PABPC4L: variants seen among roughly 807,000 people sequenced by gnomAD.
PABPC4L encodes the protein polyadenylate-binding protein 4-like.
For missense variants in PABPC4L, 452 were observed against 451.4 expected (o/e 1.00, Z -0.01); for synonymous variants, 169 against 164.1 (o/e 1.03, Z -0.23).
At chr4:133,978,164 T>C in the PABPC4L span, 1 of 152,226 alleles carries the variant, frequency 6.6e-6, no homozygotes, top group African/African-American at 2.4e-5. Context: ...GCAACAAGTA[T>C]GTTACAGGCC....
the PABPC4L span, among the ~76,000 whole-genome samples, chr4:133,966,727 T>C: frequency 5.7e-3 from 872 of 152,236 alleles, 7 homozygotes; most frequent in South Asian, 0.033. Context: ...AAACATCGTA[T>C]GTTCTCACTG....
chr4:134,152,075 T>C, the PABPC4L span, among the ~76,000 whole-genome samples: 1 of 151,990 alleles, frequency 6.6e-6, no homozygotes. Flanking sequence ...TATTGATTTA[T>C]ACAAGTGCCT....
the PABPC4L span, among the ~76,000 whole-genome samples, chr4:134,026,310 G>A: frequency 4.0e-5 from 6 of 151,074 alleles, no homozygotes; most frequent in East Asian, 5.9e-4. Context: ...ATCTCGGCTC[G>A]CTGCAACATC....
At chr4:133,962,629 A>C in the PABPC4L span, among the ~76,000 whole-genome samples, 4 of 152,204 alleles carry the variant, frequency 2.6e-5, no homozygotes, top group African/African-American at 9.6e-5. Context: ...TAGATTTCTC[A>C]GTAGAAATTC....
the PABPC4L span, among the ~76,000 whole-genome samples, chr4:134,044,450 G>C: frequency 6.6e-6 from 1 of 151,852 alleles, no homozygotes; most frequent in African/African-American, 2.4e-5. Flanking sequence ...TTTTTTAATA[G>C]AGACGGTGTT....
the PABPC4L span, among the ~76,000 whole-genome samples, chr4:134,131,285 C>G: frequency 2.0e-5 from 3 of 151,852 alleles, no homozygotes; most frequent in African/African-American, 7.3e-5. Flanking sequence ...GATCATATAC[C>G]TAGGAAATCC....
chr4:134,158,245 A>G, the PABPC4L span, among the ~76,000 whole-genome samples: 2 of 151,954 alleles, frequency 1.3e-5, no homozygotes, highest in Non-Finnish European at 2.9e-5. Flanking sequence ...TTTGTAAACC[A>G]CTATTGATTG....
the PABPC4L span, among the ~76,000 whole-genome samples, chr4:134,082,847 A>G: frequency 6.6e-6 from 1 of 152,208 alleles, no homozygotes; most frequent in Admixed American, 6.5e-5. Flanking sequence ...AGTCTATCCA[A>G]AAATTTGTCT....
chr4:134,047,072 T>C, the PABPC4L span, among the ~76,000 whole-genome samples: 2 of 152,210 alleles, frequency 1.3e-5, no homozygotes, highest in Admixed American at 1.3e-4. Flanking sequence ...ATGCCTTCCT[T>C]TCTGCCACTA....
downstream of PABPC4L, among the ~76,000 whole-genome samples, chr4:134,191,609 A>G (rs191430308): frequency 2.0e-5 from 3 of 152,300 alleles, no homozygotes; most frequent in East Asian, 3.9e-4. Context: ...GTCAAAGAAG[A>G]AATCAAAAGG....
At position 134,196,602 on chromosome 4, in the gene PABPC4L, A is replaced by C. The variant is rs1208544460; in HGVS notation, c.*3305T>G. The C allele has an allele frequency of 6.6e-6, 1 of 151,756 alleles. No individual in the cohort carries two copies. The highest frequency in any genetic ancestry group is 1.5e-5 in the Non-Finnish European group (1 of 67,662). The allele number at this position is 151,756 out of a possible 1,614,324, so 9.4% of individuals were successfully genotyped here. The stretch of plus-strand genomic sequence containing the variant: ...ACAGTGGCTCAAGGCATATCTATGT[A>C]CATTAGCTTTTACTGGAATGCTTAT... On this transcript the variant is annotated 3_prime_UTR_variant, in exon 2 of 2. Coordinates refer to ENST00000421491, the MANE Select transcript of PABPC4L (RefSeq NM_001114734.2).
the PABPC4L span, among the ~76,000 whole-genome samples, chr4:134,083,490 T>C: frequency 6.6e-6 from 1 of 152,238 alleles, no homozygotes; most frequent in East Asian, 1.9e-4. Flanking sequence ...GTCCTATAAA[T>C]GTACTGAACA....
rs369668789 is a variant in PABPC4L, at chr4:134,200,739, C to T, written c.281G>A (p.Arg94Lys). Residue 94 changes from arginine (R) to lysine (K), a missense_variant, in exon 2 of 2, where the codon AGA becomes AAA. Arg to Lys is a conservative substitution (Grantham distance 26). Transcript: ENST00000421491. ...GATGAATACGTTCCCAATTCCAGAT[C>T]TCCTCAAGTAGGCATCGCGCTGAGA... ...MWSQRDAYLR[R>K]SGIGNVFIKN... The T allele has an allele frequency of 3.3e-4, 509 of 1,551,568 alleles. 3 individuals are homozygous for T. Among genetic ancestry groups the T allele is most frequent in the Admixed American group, 6.7e-4 (34 of 50,978 alleles).
At chr4:134,121,565 C>T in the PABPC4L span, among the ~76,000 whole-genome samples, 21 of 151,794 alleles carry the variant, frequency 1.4e-4, 1 homozygote, top group African/African-American at 4.6e-4. Context: ...TATAGCTTCC[C>T]ATAGGTCTCA....
chr4:134,109,484 A>G, the PABPC4L span, among the ~76,000 whole-genome samples: 7 of 151,908 alleles, frequency 4.6e-5, no homozygotes, highest in Non-Finnish European at 1.0e-4. Flanking sequence ...AGTGAAATAA[A>G]TAAATAGAAG....
chr4:134,142,541 T>C, the PABPC4L span, among the ~76,000 whole-genome samples: 1 of 151,698 alleles, frequency 6.6e-6, no homozygotes, highest in East Asian at 1.9e-4. Flanking sequence ...GTAGTATTTA[T>C]AAGGAAATAT....
the PABPC4L span, among the ~76,000 whole-genome samples, chr4:134,054,995 T>C: frequency 1.3e-5 from 2 of 152,188 alleles, no homozygotes; most frequent in South Asian, 4.1e-4. Flanking sequence ...GGCAGTGATG[T>C]TTTAATGATC....
chr4:134,176,116 T>C, the PABPC4L span, among the ~76,000 whole-genome samples: 19 of 152,106 alleles, frequency 1.2e-4, no homozygotes, highest in African/African-American at 4.6e-4. Flanking sequence ...GAAAATAACA[T>C]CTTGCATAAA....
At chr4:134,042,011 C>A in the PABPC4L span, among the ~76,000 whole-genome samples, 1 of 152,094 alleles carries the variant, frequency 6.6e-6, no homozygotes, top group East Asian at 1.9e-4. Flanking sequence ...TGGAATCAAC[C>A]CAACTGCTCA....
Sources: allele counts gnomAD v4.1 joint callset (sites outside exome capture counted in the v4.1 genomes callset), GRCh38; gene constraint gnomAD v4.1.1; transcripts MANE v1.5; gene names NCBI Gene and HGNC (gene_info 2026-07-23, HGNC 2026-07-21).